The following ZRANB3 variants were observed in gnomAD, a reference collection of about 807,000 sequenced individuals.
ZRANB3 encodes DNA annealing helicase and endonuclease ZRANB3.
ZRANB3 carries 125 observed loss-of-function variants against 133.8 expected under a neutral mutation model. That is an observed-to-expected ratio of 0.93 (90% CI 0.81 to 1.08). The LOEUF is 1.08. ZRANB3 is among the 50% of genes least tolerant of loss of function. The pLI is 0.00. For synonymous variants in ZRANB3, 387 were observed against 432.7 expected, an observed-to-expected ratio of 0.89 and a Z score of 1.31; for missense variants, 1,229 against 1,275.5, an observed-to-expected ratio of 0.96 and a Z score of 0.56.
At chr2:135,212,599 C>T (rs974009611) in intron 17 of ZRANB3, among the ~76,000 whole-genome samples, 2 of 152,140 alleles carry the variant, frequency 1.3e-5, no homozygotes, top group East Asian at 1.9e-4. Flanking sequence ...ACTTTTCAAA[C>T]GTAGTTGCAA....
chr2:135,526,209 G>C (rs908282869), intron 1 of ZRANB3, among the ~76,000 whole-genome samples: 1 of 146,758 alleles, frequency 6.8e-6, no homozygotes, highest in Non-Finnish European at 1.5e-5. Context: ...TGTCGCCCAG[G>C]CTGGAGTACA....
Position 135,248,799 on chromosome 2 carries a change from A to G in ZRANB3, c.1539+16735T>C, listed in dbSNP as rs533243995. Among the ~76,000 whole-genome samples, 8 of 152,150 alleles carry G rather than the reference A, an allele frequency of 5.3e-5. No individual in the cohort carries two copies. The South Asian group carries it at 1.2e-3, about 24-fold the overall frequency. On this transcript the variant is annotated intron_variant, in intron 12 of 20. Transcript: ENST00000264159. ...CGTGCACCTGTAGTACCAGCTACTC[A>G]GGAGGTTGAGGCATGCAACTTGCTT... is the stretch of plus-strand genomic sequence containing the variant.
At chr2:135,383,078 G>T (rs1224467032) in intron 3 of ZRANB3, among the ~76,000 whole-genome samples, 1 of 152,138 alleles carries the variant, frequency 6.6e-6, no homozygotes, top group African/African-American at 2.4e-5. Flanking sequence ...AGACCCATCA[G>T]TGTGCTGTAT....
chr2:135,453,495 A>G (rs1690365604), intron 2 of ZRANB3, among the ~76,000 whole-genome samples: 1 of 152,194 alleles, frequency 6.6e-6, no homozygotes, highest in Non-Finnish European at 1.5e-5. Context: ...GAATGCCTTT[A>G]ACAGTACCCA....
chr2:135,425,360 A>G lies in ZRANB3; in HGVS notation c.162-34540T>C, dbSNP rs184130197. 2.4e-3 allele frequency among the ~76,000 whole-genome samples: 371 copies of G among 152,330 alleles called. 4 individuals carry two copies. Among genetic ancestry groups the G allele is most frequent in the South Asian group, 0.024 (115 of 4,826 alleles). On this transcript the variant is annotated intron_variant, in intron 2 of 20. Transcript: ENST00000264159. ...AATGATAGAATACTTAATGTGTCTG[A>G]AAGTATTGAGAAGAGATTTACCCAA...
At chr2:135,411,678 A>T (rs1386017275) in intron 2 of ZRANB3, among the ~76,000 whole-genome samples, 2 of 152,186 alleles carry the variant, frequency 1.3e-5, no homozygotes, top group Non-Finnish European at 2.9e-5. Flanking sequence ...CAGAAGCAGA[A>T]AATCAAATAC....
chr2:135,435,764 C>T (rs1215510994), intron 2 of ZRANB3, among the ~76,000 whole-genome samples: 1 of 152,078 alleles, frequency 6.6e-6, no homozygotes, highest in Non-Finnish European at 1.5e-5. Context: ...TTTTTATATG[C>T]TTGTTGGCCG....
intron 17 of ZRANB3, among the ~76,000 whole-genome samples, chr2:135,215,945 C>T (rs1056331150): frequency 1.3e-5 from 2 of 152,064 alleles, no homozygotes; most frequent in African/African-American, 4.8e-5. Flanking sequence ...CAGACACTAC[C>T]ATCCTACGGG....
chr2:135,326,139 A>G (rs1204035196), intron 6 of ZRANB3, among the ~76,000 whole-genome samples: 11 of 152,346 alleles, frequency 7.2e-5, no homozygotes, highest in Middle Eastern at 3.4e-3. Context: ...AAAAAACAGT[A>G]AAATTATGTA....
In ZRANB3 at chr2:135,269,160, A is replaced by G. The variant is rs143601975; in HGVS notation, c.1207-19T>C. 5.2e-3 allele frequency: 8,185 copies of G among 1,573,488 alleles called. 37 individuals carry two copies. Among genetic ancestry groups the G allele is most frequent in the African/African-American group, 9.3e-3 (682 of 73,350 alleles). On this transcript the variant is annotated intron_variant, in intron 10 of 20. Coordinates refer to ENST00000264159, the MANE Select transcript of ZRANB3 (RefSeq NM_032143.4). Reference sequence around the variant, plus strand: ...TTAATCCCTAAGTGAAATAAAGCAAATAAATTGAGAATGTAACATACAGCC... The same window carrying G: ...TTAATCCCTAAGTGAAATAAAGCAAGTAAATTGAGAATGTAACATACAGCC...
chr2:135,439,356 T>C (rs1382367407), intron 2 of ZRANB3, among the ~76,000 whole-genome samples: 5 of 152,316 alleles, frequency 3.3e-5, no homozygotes, highest in African/African-American at 9.6e-5. Flanking sequence ...AAAAAGATGA[T>C]ACAGATTCTC....
intron 12 of ZRANB3, among the ~76,000 whole-genome samples, chr2:135,258,638 T>G (rs1307708673): frequency 6.6e-6 from 1 of 152,248 alleles, no homozygotes; most frequent in African/African-American, 2.4e-5. Context: ...TGTCTCTATC[T>G]GTAACAATGA....
At position 135,394,129 on chromosome 2, in the gene ZRANB3, T is replaced by C. The variant is rs563263416; in HGVS notation, c.162-3309A>G. ...GCCTTGGCCTCCCACAGTGCTGGGA[T>C]TACAGGCATGAGCCACCATGCCCAG... On this transcript the variant is annotated intron_variant, in intron 2 of 20. Transcript: ENST00000264159. Among the ~76,000 whole-genome samples, 3 of 151,876 alleles carry C rather than the reference T, an allele frequency of 2.0e-5. No homozygotes were observed. The South Asian group carries it at 6.2e-4, about 32-fold the overall frequency.
At chr2:135,399,387 C>T (rs1343752901) in intron 2 of ZRANB3, among the ~76,000 whole-genome samples, 1 of 152,054 alleles carries the variant, frequency 6.6e-6, no homozygotes, top group East Asian at 1.9e-4. Flanking sequence ...ATGCCATCGA[C>T]AAAAATTCAC....
At chr2:135,265,436 C>A in intron 12 of ZRANB3, 98 bp downstream of exon 12, 1 of 1,302,224 alleles carries the variant, frequency 7.7e-7, no homozygotes. Context: ...CCTTTCAACA[C>A]CATAAATAAT....
intron 1 of ZRANB3, among the ~76,000 whole-genome samples, chr2:135,528,396 C>T (rs1694248703): frequency 6.6e-6 from 1 of 152,112 alleles, no homozygotes; most frequent in African/African-American, 2.4e-5. Flanking sequence ...GATTCTCTTG[C>T]CTTGACATCT....
At chr2:135,373,861 CAAAA>C (rs1686299692) in intron 3 of ZRANB3, among the ~76,000 whole-genome samples, 1 of 134,214 alleles carries the variant, frequency 7.5e-6, no homozygotes, top group African/African-American at 2.7e-5. Flanking sequence ...TGTTTGAAAA[CAAAA>C]GAAAAAGAGC....
intron 12 of ZRANB3, among the ~76,000 whole-genome samples, chr2:135,250,980 G>A (rs149110935): frequency 0.011 from 1,640 of 152,270 alleles, 26 homozygotes; most frequent in African/African-American, 0.037. Flanking sequence ...CCATGCTCCT[G>A]GAAAAGCCAT....
chr2:135,466,985 T>G (rs1330240075), intron 2 of ZRANB3, among the ~76,000 whole-genome samples: 1 of 152,166 alleles, frequency 6.6e-6, no homozygotes, highest in Non-Finnish European at 1.5e-5. Flanking sequence ...GAAAAGTTAT[T>G]GCATATAAAA....
Sources: gnomAD v4.1 joint callset for allele counts (sites outside exome capture counted in the v4.1 genomes callset) on GRCh38, gnomAD v4.1.1 for gene constraint, MANE v1.5 for transcripts, NCBI Gene and HGNC (gene_info 2026-07-23, HGNC 2026-07-21) for gene names.